MAST2: variants seen among roughly 807,000 people sequenced by gnomAD.
The protein encoded by MAST2 is microtubule associated serine/threonine kinase 2.
A neutral mutation model predicts 147.4 loss-of-function variants in MAST2; 70 were observed. That is an observed-to-expected ratio of 0.47 (90% CI 0.39 to 0.58). The LOEUF (loss-of-function observed/expected upper bound fraction) is 0.58, where lower values mean the gene tolerates loss of function less well. Ranked by LOEUF, MAST2 falls within the 20% of genes least tolerant of loss-of-function variation. MAST2 has a pLI of 0.00. For missense variants in MAST2, 2,080 were observed against 2,302.3 expected (o/e 0.90, Z 1.98); for synonymous variants, 869 against 896.8 (o/e 0.97, Z 0.55).
chr1:45,917,319 C>G (rs781359719), intron 4 of MAST2: 2 of 1,332,536 alleles, frequency 1.5e-6, no homozygotes, highest in Admixed American at 2.1e-5. Flanking sequence ...TGTTTTTTTC[C>G]TATTGTGGTA....
intron 5 of MAST2, among the ~76,000 whole-genome samples, chr1:45,961,786 T>C (rs1660455266): frequency 6.6e-6 from 1 of 152,154 alleles, no homozygotes; most frequent in South Asian, 2.1e-4. Context: ...GATAATTTTA[T>C]TATACTTTAA....
At position 45,917,450 on chromosome 1, in the gene MAST2, T is replaced by C. The variant is rs191237078; in HGVS notation, c.500+35055T>C. ...CATTTAGTGCTGATTGTGCTTTGGC[T>C]ACTTCTCCTCTTGCCATTTTCCTGA... On this transcript the variant is annotated intron_variant, in intron 4 of 28. Coordinates refer to ENST00000361297, the MANE Select transcript of MAST2 (RefSeq NM_015112.3). 22 of 1,366,610 alleles carry C rather than the reference T, an allele frequency of 1.6e-5. No individual in the cohort carries two copies. In the East Asian group the frequency reaches 1.0e-3, roughly 62 times the overall value. The allele number at this position is 1,366,610 out of a possible 1,614,324, so 84.7% of individuals were successfully genotyped here.
intron 10 of MAST2, among the ~76,000 whole-genome samples, chr1:46,018,407 G>A (rs1055572659): frequency 6.6e-6 from 1 of 152,042 alleles, no homozygotes; most frequent in African/African-American, 2.4e-5. Flanking sequence ...TTATTCTTTG[G>A]TTGCACGTAA....
chr1:45,993,870 C>T (rs1644945199), intron 5 of MAST2, among the ~76,000 whole-genome samples: 1 of 152,098 alleles, frequency 6.6e-6, no homozygotes, highest in Non-Finnish European at 1.5e-5. Context: ...TTCTTACTAC[C>T]TCCTGAGTTC....
At chr1:45,809,529 G>C (rs1644234227) in intron 1 of MAST2, among the ~76,000 whole-genome samples, 1 of 152,188 alleles carries the variant, frequency 6.6e-6, no homozygotes, top group Admixed American at 6.5e-5. Flanking sequence ...TGTGGGCCCA[G>C]CTACTTGGGA....
chr1:45,967,913 CAT>C (rs1269286046), intron 5 of MAST2, among the ~76,000 whole-genome samples: 1 of 152,192 alleles, frequency 6.6e-6, no homozygotes, highest in East Asian at 1.9e-4. Flanking sequence ...TATATAAGCA[CAT>C]GTGTGTACGT....
intron 4 of MAST2, among the ~76,000 whole-genome samples, chr1:45,953,438 G>A (rs892872237): frequency 1.3e-5 from 2 of 152,146 alleles, no homozygotes; most frequent in African/African-American, 2.4e-5. Context: ...CTAGGTGATT[G>A]GGATACCTCT....
At chr1:45,975,495 C>CAAA (rs60802520) in intron 5 of MAST2, among the ~76,000 whole-genome samples, 2,705 of 40,410 alleles carry the variant, frequency 0.067, 1,149 homozygotes, top group Middle Eastern at 0.2. Flanking sequence ...CCTGTCTCTC[C>CAAA]AAAAAAAAAA....
At chr1:45,858,292 A>G (rs942700841) in intron 3 of MAST2, among the ~76,000 whole-genome samples, 3 of 152,116 alleles carry the variant, frequency 2.0e-5, no homozygotes, top group Admixed American at 1.3e-4. Flanking sequence ...CTGACTTTTT[A>G]ATGATTGCCA....
intron 4 of MAST2, among the ~76,000 whole-genome samples, chr1:45,904,361 G>T (rs952388012): frequency 1.3e-5 from 2 of 151,808 alleles, no homozygotes; most frequent in Non-Finnish European, 2.9e-5. Flanking sequence ...TTTAGTAGAG[G>T]TGTGGTTTTA....
At chr1:45,873,021 A>G (rs1646460144) in intron 3 of MAST2, among the ~76,000 whole-genome samples, 1 of 152,136 alleles carries the variant, frequency 6.6e-6, no homozygotes, top group African/African-American at 2.4e-5. Context: ...CCAAATGGTA[A>G]TAAAATTTTG....
chr1:45,911,325 A>G (rs909549159), intron 4 of MAST2, among the ~76,000 whole-genome samples: 3 of 152,228 alleles, frequency 2.0e-5, no homozygotes, highest in African/African-American at 7.2e-5. Context: ...AGGATGTAAA[A>G]TATGGCTTTC....
chr1:45,818,534 C>T lies in MAST2; in HGVS notation c.178-5899C>T, dbSNP rs537506566. Among the ~76,000 whole-genome samples, 59 of 152,322 alleles carry T rather than the reference C, an allele frequency of 3.9e-4. No individual in the cohort carries two copies. In the Middle Eastern group the frequency reaches 0.014, roughly 35 times the overall value. On this transcript the variant is annotated intron_variant, in intron 1 of 28. Coordinates refer to ENST00000361297, the MANE Select transcript of MAST2 (RefSeq NM_015112.3). ...CTCAGCTCATGAGGCACCCACTTAA[C>T]GAGCTTTTTCACCTTTTCGATTTGC...
chr1:46,000,056 G>A (rs1347460508), intron 6 of MAST2, among the ~76,000 whole-genome samples: 1 of 152,236 alleles, frequency 6.6e-6, no homozygotes, highest in Non-Finnish European at 1.5e-5. Flanking sequence ...GCTCACGCCT[G>A]TAATCCCAGC....
intron 3 of MAST2, among the ~76,000 whole-genome samples, chr1:45,882,011 C>CT (rs1646867831): frequency 4.7e-5 from 1 of 21,430 alleles, no homozygotes; most frequent in Non-Finnish European, 8.3e-5. Flanking sequence ...CCCGTCTCTA[C>CT]TAAAAAAAAA....
At chr1:45,984,266 A>G (rs1194299992) in intron 5 of MAST2, among the ~76,000 whole-genome samples, 1 of 152,034 alleles carries the variant, frequency 6.6e-6, no homozygotes, top group Non-Finnish European at 1.5e-5. Flanking sequence ...ATTGGGAGCT[A>G]CATGTCTTTG....
intron 4 of MAST2, among the ~76,000 whole-genome samples, chr1:45,886,888 G>A (rs889832812): frequency 4.6e-5 from 7 of 151,618 alleles, no homozygotes; most frequent in African/African-American, 9.8e-5. Flanking sequence ...GTGCAGTGGC[G>A]CAGTCTCAGC....
At position 45,911,712 on chromosome 1, in the gene MAST2, T is replaced by G. The variant is rs116197259; in HGVS notation, c.500+29317T>G. 6.6e-3 allele frequency among the ~76,000 whole-genome samples: 1,003 copies of G among 151,510 alleles called. 12 individuals carry two copies. Among genetic ancestry groups the G allele is most frequent in the African/African-American group, 0.023 (967 of 41,388 alleles). ...AAAATAATAATAATTTTAAAAATAA[T>G]AATAATGGAATAATAGTACATATAT... On this transcript the variant is annotated intron_variant, in intron 4 of 28. Coordinates refer to ENST00000361297, the MANE Select transcript of MAST2 (RefSeq NM_015112.3).
intron 4 of MAST2, among the ~76,000 whole-genome samples, chr1:45,921,145 G>C (rs1041102457): frequency 6.6e-6 from 1 of 152,144 alleles, no homozygotes; most frequent in Non-Finnish European, 1.5e-5. Flanking sequence ...ACAGGCGACC[G>C]CCACCACGCC....
Sources: gnomAD v4.1 joint callset for allele counts (sites outside exome capture counted in the v4.1 genomes callset) on GRCh38, gnomAD v4.1.1 for gene constraint, MANE v1.5 for transcripts, NCBI Gene and HGNC (gene_info 2026-07-23, HGNC 2026-07-21) for gene names.